The following TTLL11 variants were observed in gnomAD, a reference collection of about 807,000 sequenced individuals.
TTLL11 encodes tubulin polyglutamylase TTLL11.
In TTLL11, 42 loss-of-function variants were observed where a neutral mutation model predicts 51.7. The observed-to-expected ratio is 0.81, with a 90% CI of 0.64 to 1.05. The LOEUF (loss-of-function observed/expected upper bound fraction) is 1.05. TTLL11 is among the 50% of genes least tolerant of loss of function. TTLL11 has a pLI of 0.00. For missense variants in TTLL11, 799 were observed against 940.4 expected (o/e 0.85, Z 1.97); for synonymous variants, 381 against 383.5 (o/e 0.99, Z 0.08).
chr9:122,028,742 A>G (rs1037114658), intron 3 of TTLL11, among the ~76,000 whole-genome samples: 1 of 152,214 alleles, frequency 6.6e-6, no homozygotes, highest in Non-Finnish European at 1.5e-5. Context: ...AGGGCCATGA[A>G]ACACTCATCA....
At chr9:121,922,362 G>A (rs1840575869) in intron 6 of TTLL11, among the ~76,000 whole-genome samples, 2 of 152,148 alleles carry the variant, frequency 1.3e-5, no homozygotes, top group African/African-American at 2.4e-5. Context: ...CACCTCAGGT[G>A]TCAATGTTGA....
chr9:122,062,041 T>C (rs1422192726), intron 1 of TTLL11, among the ~76,000 whole-genome samples: 1 of 152,218 alleles, frequency 6.6e-6, no homozygotes, highest in East Asian at 1.9e-4. Context: ...GTCAGGGAAC[T>C]AGGAATCTGG....
chr9:122,021,428 G>A lies in TTLL11; in HGVS notation c.693+10295C>T, dbSNP rs933793942. Among the ~76,000 whole-genome samples, 7 of 152,290 alleles carry A rather than the reference G, an allele frequency of 4.6e-5. No individual in the cohort carries two copies. The South Asian group carries it at 6.2e-4, about 14-fold the overall frequency. On this transcript the variant is annotated intron_variant, in intron 3 of 8. Transcript: ENST00000321582. ...TTGCTAGGTACAGATCAGCATGCAC[G>A]TGAGGAAACTACCCAAGGCCAAACT... is the stretch of plus-strand genomic sequence containing the variant.
intron 6 of TTLL11, among the ~76,000 whole-genome samples, chr9:121,937,087 T>C (rs1841260226): frequency 6.6e-6 from 1 of 152,214 alleles, no homozygotes; most frequent in Non-Finnish European, 1.5e-5. Context: ...TTTTTACATA[T>C]ATTAATAAAA....
At chr9:121,847,637 TAAAGA>T (rs1234582630) in intron 8 of TTLL11, among the ~76,000 whole-genome samples, 1 of 152,194 alleles carries the variant, frequency 6.6e-6, no homozygotes, top group Non-Finnish European at 1.5e-5. Context: ...CTTTATCTAT[TAAAGA>T]AATTAGATGA....
At chr9:121,892,731 A>G (rs966267980) in intron 6 of TTLL11, among the ~76,000 whole-genome samples, 9 of 152,226 alleles carry the variant, frequency 5.9e-5, no homozygotes, top group Non-Finnish European at 1.3e-4. Context: ...GTCCCGCCAC[A>G]TTCTCCATGG....
At chr9:121,898,322 G>A (rs1055520454) in intron 6 of TTLL11, among the ~76,000 whole-genome samples, 2 of 152,266 alleles carry the variant, frequency 1.3e-5, no homozygotes, top group African/African-American at 4.8e-5. Context: ...AGGCTGGGGA[G>A]CCCTGTTCTC....
rs1837146639 is a variant in TTLL11 at position 121,835,040 on chromosome 9, C to A, written c.1841-12161G>T. On this transcript the variant is annotated intron_variant, in intron 8 of 8. Coordinates refer to ENST00000321582, the MANE Select transcript of TTLL11 (RefSeq NM_001139442.2). ...CCTGGGATCTCCATGGTCTCTACCC[C>A]TGTGCACTGTGTGGCTTTGAACTGG... Among the ~76,000 whole-genome samples, 3 of 152,300 alleles carry A rather than the reference C, an allele frequency of 2.0e-5. No homozygotes were observed. The South Asian group carries it at 6.2e-4, about 32-fold the overall frequency.
intron 8 of TTLL11, among the ~76,000 whole-genome samples, chr9:121,857,836 T>C (rs1837875982): frequency 6.6e-6 from 1 of 152,150 alleles, no homozygotes; most frequent in Non-Finnish European, 1.5e-5. Context: ...CTACTCAGAA[T>C]TAACAATGGG....
At chr9:122,078,988 G>A (rs907472041) in intron 1 of TTLL11, among the ~76,000 whole-genome samples, 4 of 152,144 alleles carry the variant, frequency 2.6e-5, no homozygotes, top group Non-Finnish European at 4.4e-5. Flanking sequence ...ACCTTATGGT[G>A]GACATTTGGA....
intron 6 of TTLL11, among the ~76,000 whole-genome samples, chr9:121,952,658 A>T (rs1274401402): frequency 1.3e-5 from 2 of 152,068 alleles, no homozygotes; most frequent in Non-Finnish European, 2.9e-5. Context: ...TGGGGAAATA[A>T]AATGCCTTGT....
At chr9:121,913,548 C>G (rs187620465) in intron 6 of TTLL11, among the ~76,000 whole-genome samples, 1 of 152,308 alleles carries the variant, frequency 6.6e-6, no homozygotes, top group Admixed American at 6.5e-5. Context: ...TGTTGCTTAT[C>G]TTTCATACCT....
chr9:121,998,448 G>A (rs902516071), intron 3 of TTLL11, among the ~76,000 whole-genome samples: 6 of 151,858 alleles, frequency 4.0e-5, no homozygotes, highest in Non-Finnish European at 7.4e-5. Context: ...CACCACATTC[G>A]GCTAATTTTT....
At chr9:121,999,310 T>A (rs1373834782) in intron 3 of TTLL11, among the ~76,000 whole-genome samples, 2 of 152,138 alleles carry the variant, frequency 1.3e-5, no homozygotes, top group African/African-American at 4.8e-5. Context: ...GGAGCGTACC[T>A]CTCTTGGGCT....
intron 8 of TTLL11, among the ~76,000 whole-genome samples, chr9:121,832,957 GACAA>G (rs1218222217): frequency 7.9e-5 from 12 of 151,970 alleles, no homozygotes; most frequent in African/African-American, 7.2e-5. Flanking sequence ...ACAAAAAACA[GACAA>G]ACAAACAAAA....
intron 6 of TTLL11, among the ~76,000 whole-genome samples, chr9:121,936,718 G>A (rs746890627): frequency 2.0e-5 from 3 of 152,154 alleles, no homozygotes; most frequent in Non-Finnish European, 4.4e-5. Flanking sequence ...AATCTTACAG[G>A]TCAGAGATCA....
chr9:121,986,780 T>A (rs1564342466), intron 4 of TTLL11, among the ~76,000 whole-genome samples: 1 of 152,062 alleles, frequency 6.6e-6, no homozygotes, highest in Admixed American at 6.5e-5. Flanking sequence ...TGCTGTTGAA[T>A]GAATGCCCCA....
chr9:122,042,355 T>C (rs1434118970), intron 1 of TTLL11, among the ~76,000 whole-genome samples: 2 of 152,202 alleles, frequency 1.3e-5, no homozygotes, highest in Non-Finnish European at 2.9e-5. Context: ...TCAAATAGTG[T>C]ATACAATCAC....
chr9:122,055,258 A>G (rs1158117699), intron 1 of TTLL11, among the ~76,000 whole-genome samples: 2 of 131,552 alleles, frequency 1.5e-5, no homozygotes, highest in Non-Finnish European at 3.4e-5. Flanking sequence ...GGAGTTTATT[A>G]AGTATTAACT....
Sources: gnomAD v4.1 joint callset for allele counts (sites outside exome capture counted in the v4.1 genomes callset) on GRCh38, gnomAD v4.1.1 for gene constraint, MANE v1.5 for transcripts, NCBI Gene and HGNC (gene_info 2026-07-23, HGNC 2026-07-21) for gene names.